WDR64: variants seen among roughly 807,000 people sequenced by gnomAD.
The protein encoded by WDR64 is WD repeat domain 64, also known as WD repeat-containing protein 64.
Under a neutral mutation model 139.3 loss-of-function variants are expected in WDR64, and 112 were observed. The ratio of observed to expected loss-of-function variants is 0.80; its 90% CI spans 0.69 to 0.94. The LOEUF (loss-of-function observed/expected upper bound fraction) is 0.94. Ranked by LOEUF, WDR64 falls within the 40% of genes least tolerant of loss-of-function variation. The probability of loss-of-function intolerance (pLI) is 0.00; values close to 1 mark genes in which losing one functional copy is unlikely to be tolerated. For synonymous variants in WDR64, 444 were observed against 437.7 expected (o/e 1.01, Z -0.18); for missense variants, 1,206 against 1,293.1 (o/e 0.93, Z 1.03).
At chr1:241,774,699 G>GA (rs980185260) in intron 20 of WDR64, among the ~76,000 whole-genome samples, 5 of 151,740 alleles carry the variant, frequency 3.3e-5, no homozygotes, top group Non-Finnish European at 7.4e-5. Context: ...TCTCCCTTCT[G>GA]AAAAAAATGT....
At chr1:241,725,016 G>A (rs1668746581) in intron 10 of WDR64, among the ~76,000 whole-genome samples, 1 of 151,926 alleles carries the variant, frequency 6.6e-6, no homozygotes, top group Non-Finnish European at 1.5e-5. Flanking sequence ...CATAAACAAA[G>A]TTAAAGGCAG....
intron 8 of WDR64, among the ~76,000 whole-genome samples, chr1:241,691,218 C>T (rs1667265620): frequency 6.6e-6 from 1 of 151,622 alleles, no homozygotes; most frequent in Non-Finnish European, 1.5e-5. Context: ...TTTTAAAACA[C>T]AAAAGGCAGA....
At chr1:241,683,775 G>A in intron 7 of WDR64, 74 bp downstream of exon 7, 1 of 1,197,472 alleles carries the variant, frequency 8.4e-7, no homozygotes, top group Middle Eastern at 3.0e-4. Flanking sequence ...ATGGTACAAA[G>A]TGAAAAATGA....
At chr1:241,708,677 G>A (rs1418499709) in intron 8 of WDR64, among the ~76,000 whole-genome samples, 2 of 143,488 alleles carry the variant, frequency 1.4e-5, no homozygotes. Context: ...TATCAAGTTA[G>A]GGCTGAGGTC....
chr1:241,702,256 C>T (rs1190297007), intron 8 of WDR64, among the ~76,000 whole-genome samples: 1 of 152,000 alleles, frequency 6.6e-6, no homozygotes, highest in Non-Finnish European at 1.5e-5. Flanking sequence ...AGTATAGTTG[C>T]CCTTGGTAAG....
intron 13 of WDR64, among the ~76,000 whole-genome samples, chr1:241,748,490 C>A (rs1669849466): frequency 6.6e-6 from 1 of 151,946 alleles, no homozygotes; most frequent in Non-Finnish European, 1.5e-5. Flanking sequence ...ACTTACTTTT[C>A]TTTTTTTGTC....
chr1:241,702,298 T>C (rs1235252189), intron 8 of WDR64, among the ~76,000 whole-genome samples: 1 of 152,196 alleles, frequency 6.6e-6, no homozygotes, highest in East Asian at 1.9e-4. Flanking sequence ...GTTTCTGTCC[T>C]AGCACTCACT....
rs374638921 is a variant in WDR64, at chr1:241,746,176, G to T, written c.1594+1660G>T. 2.6e-5 allele frequency among the ~76,000 whole-genome samples: 4 copies of T among 152,216 alleles called. 1 individual carries two copies. The highest frequency in any genetic ancestry group is 6.5e-5 in the Admixed American group (1 of 15,300). ...CTGGGGGTGTGAGTGTTGCTGATGG[G>T]GAGAACCTGGTGTAGGGGAAGGAAA... On this transcript the variant is annotated intron_variant, in intron 13 of 27. Transcript: ENST00000437684.
At chr1:241,690,504 GA>G (rs1184038858) in intron 8 of WDR64, among the ~76,000 whole-genome samples, 6 of 151,770 alleles carry the variant, frequency 4.0e-5, no homozygotes, top group African/African-American at 4.8e-5. Flanking sequence ...AGCCAGAGGG[GA>G]AAAAAACAAC....
At position 241,671,068 on chromosome 1, in the gene WDR64, T is replaced by C; in HGVS notation, c.277-6T>C. ...GCATATTTATATGTGCTGTTTGGGA[T>C]TTCAGATCTTTGGATACTTCTCCTC... On this transcript the variant is annotated splice_region_variant and splice_polypyrimidine_tract_variant and intron_variant, in intron 2 of 27. Transcript: ENST00000437684. The C allele has an allele frequency of 6.5e-7, 1 of 1,534,754 alleles. No homozygotes were observed. Among genetic ancestry groups the C allele is most frequent in the Non-Finnish European group, 8.8e-7 (1 of 1,138,012 alleles).
At chr1:241,751,143 C>T (rs1314398122) in intron 14 of WDR64, among the ~76,000 whole-genome samples, 3 of 152,092 alleles carry the variant, frequency 2.0e-5, no homozygotes, top group Non-Finnish European at 4.4e-5. Flanking sequence ...TTCCCTTTCA[C>T]CATGAAATGC....
intron 6 of WDR64, among the ~76,000 whole-genome samples, chr1:241,682,642 T>A (rs1174741829): frequency 6.6e-6 from 1 of 152,296 alleles, no homozygotes; most frequent in African/African-American, 2.4e-5. Flanking sequence ...ATTTTAGGAT[T>A]TTTTTTCTAG....
intron 8 of WDR64, among the ~76,000 whole-genome samples, chr1:241,711,065 T>C (rs1482508531): frequency 6.6e-6 from 1 of 152,038 alleles, no homozygotes; most frequent in Non-Finnish European, 1.5e-5. Flanking sequence ...GGTTAAACAC[T>C]ATCTCTGCTA....
chr1:241,765,128 A>T (rs1658097968), intron 15 of WDR64, among the ~76,000 whole-genome samples: 1 of 152,110 alleles, frequency 6.6e-6, no homozygotes, highest in Non-Finnish European at 1.5e-5. Context: ...TCGAGGCTGC[A>T]GTAAGCTGTG....
chr1:241,712,293 C>T (rs1668203524), intron 9 of WDR64, among the ~76,000 whole-genome samples: 1 of 151,862 alleles, frequency 6.6e-6, no homozygotes, highest in African/African-American at 2.4e-5. Flanking sequence ...GAGATCATGA[C>T]CAAAAAGGTC....
In WDR64 at chr1:241,667,033, G is replaced by A. The variant is rs568647459; in HGVS notation, c.277-4041G>A. On this transcript the variant is annotated intron_variant, in intron 2 of 27. Coordinates refer to ENST00000437684, the MANE Select transcript of WDR64 (RefSeq NM_001367482.1). ...CTGTTCTTAGACACCTGATGCCTTG[G>A]CACTATCCCCACAAAAATTAAAATA... 2.0e-5 allele frequency among the ~76,000 whole-genome samples: 3 copies of A among 152,142 alleles called. No individual in the cohort carries two copies. In the East Asian group the frequency reaches 5.8e-4, roughly 29 times the overall value.
intron 10 of WDR64, among the ~76,000 whole-genome samples, chr1:241,737,978 A>T (rs888741609): frequency 6.6e-6 from 1 of 152,158 alleles, no homozygotes; most frequent in Non-Finnish European, 1.5e-5. Flanking sequence ...TCCACGTAAA[A>T]TATGTCTTCT....
chr1:241,658,860 T>C (rs1352394629), intron 1 of WDR64, among the ~76,000 whole-genome samples: 1 of 151,698 alleles, frequency 6.6e-6, no homozygotes, highest in Non-Finnish European at 1.5e-5. Flanking sequence ...TATTTAGTAA[T>C]ATTTTAGCCA....
In WDR64 at chr1:241,737,596, A is replaced by G. The variant is rs1669377958; in HGVS notation, c.1195-767A>G. Among the ~76,000 whole-genome samples the G allele has an allele frequency of 5.3e-5, 8 of 152,214 alleles. No homozygotes were observed. In the South Asian group the frequency reaches 1.7e-3, roughly 32 times the overall value. On this transcript the variant is annotated intron_variant, in intron 10 of 27. Transcript: ENST00000437684. ...CCAGCTTCTACAACTGAAGAAATGT[A>G]ATTATTGATCAATCAACACTTATTT...
Sources: gnomAD v4.1 joint callset for allele counts (sites outside exome capture counted in the v4.1 genomes callset) on GRCh38, gnomAD v4.1.1 for gene constraint, MANE v1.5 for transcripts, NCBI Gene and HGNC (gene_info 2026-07-23, HGNC 2026-07-21) for gene names.